Variants in RNF6 observed in about 807,000 individuals in gnomAD.
The protein encoded by RNF6 is E3 ubiquitin-protein ligase RNF6.
RNF6 carries 21 observed loss-of-function variants against 50.1 expected under a neutral mutation model. That is an observed-to-expected ratio of 0.42 (90% CI 0.30 to 0.60). The LOEUF (loss-of-function observed/expected upper bound fraction) is 0.60, where lower values mean the gene tolerates loss of function less well. Ranked by LOEUF, RNF6 falls within the 20% of genes least tolerant of loss-of-function variation. The pLI is 0.20. For synonymous variants in RNF6, 255 were observed against 291.8 expected (o/e 0.87, Z 1.29); for missense variants, 698 against 838.2 (o/e 0.83, Z 2.07).
At chr13:26,167,944 A>C (rs1177693734) in intron 5 of RNF6, among the ~76,000 whole-genome samples, 1 of 152,212 alleles carries the variant, frequency 6.6e-6, no homozygotes, top group Admixed American at 6.5e-5. Flanking sequence ...CTAACACAGG[A>C]ACAGATAATC....
chr13:26,204,857 G>A (rs1460184479), intron 5 of RNF6, among the ~76,000 whole-genome samples: 1 of 152,184 alleles, frequency 6.6e-6, no homozygotes, highest in Non-Finnish European at 1.5e-5. Context: ...TTGAAAATGA[G>A]AAATGCCTGA....
downstream of RNF6, among the ~76,000 whole-genome samples, chr13:26,208,430 T>A (rs975443653): frequency 3.3e-5 from 5 of 152,192 alleles, no homozygotes; most frequent in Admixed American, 6.5e-5. Context: ...CTGGAGGAAT[T>A]AAGTGTGTCT....
chr13:26,141,079 T>C (rs1429347347), intron 5 of RNF6, among the ~76,000 whole-genome samples: 1 of 152,198 alleles, frequency 6.6e-6, no homozygotes, highest in East Asian at 1.9e-4. Flanking sequence ...TTCAATGCTA[T>C]TTCTATCAAA....
At position 26,215,556 on chromosome 13, in the gene RNF6, G is replaced by T. The variant is rs1244112744; in HGVS notation, c.326C>A (p.Ser109Tyr). 3 of 1,608,408 alleles carry T rather than the reference G, an allele frequency of 1.9e-6. No individual in the cohort carries two copies. The highest frequency in any genetic ancestry group is 1.3e-5 in the African/African-American group (1 of 74,798). ...EVPRESSHEDSLLEWLNTFRR... is the reference protein window; with the variant it reads ...EVPRESSHEDYLLEWLNTFRR... ...AAAGGTGTTCAACCATTCTAGAAGA[G>T]AATCTTCATGTGAACTTTCTCTAGG... is the stretch of plus-strand genomic sequence containing the variant. The change falls in exon 5 of 5, where the codon TCT becomes TAT. Residue 109 changes from serine to tyrosine, a missense_variant. Coordinates refer to ENST00000381588, the MANE Select transcript of RNF6 (RefSeq NM_005977.4).
At chr13:26,199,098 T>C (rs1868793787) in intron 5 of RNF6, among the ~76,000 whole-genome samples, 1 of 151,824 alleles carries the variant, frequency 6.6e-6, no homozygotes, top group African/African-American at 2.4e-5. Flanking sequence ...ATCCCAATGT[T>C]CTTTTACATA....
intron 5 of RNF6, among the ~76,000 whole-genome samples, chr13:26,185,065 C>T (rs1245918998): frequency 6.6e-6 from 1 of 152,164 alleles, no homozygotes; most frequent in Non-Finnish European, 1.5e-5. Flanking sequence ...GGCACAAACA[C>T]GGTTCATTGC....
intron 5 of RNF6, among the ~76,000 whole-genome samples, chr13:26,148,189 T>C (rs892384694): frequency 1.3e-5 from 2 of 151,924 alleles, no homozygotes; most frequent in Non-Finnish European, 2.9e-5. Flanking sequence ...CCATCAGCTC[T>C]CCTGAGAACT....
chr13:26,159,251 T>C (rs1258370014), intron 5 of RNF6, among the ~76,000 whole-genome samples: 1 of 152,200 alleles, frequency 6.6e-6, no homozygotes, highest in African/African-American at 2.4e-5. Context: ...AAATATGTCA[T>C]AGAAGATCGA....
intron 5 of RNF6, among the ~76,000 whole-genome samples, chr13:26,149,581 C>G (rs1209077457): frequency 6.7e-6 from 1 of 150,130 alleles, no homozygotes; most frequent in Non-Finnish European, 1.5e-5. Flanking sequence ...GGTGAGACTC[C>G]GTCTAAAAAA....
intron 5 of RNF6, among the ~76,000 whole-genome samples, chr13:26,146,107 G>T (rs376048809): frequency 3.9e-5 from 6 of 152,292 alleles, no homozygotes; most frequent in Non-Finnish European, 5.9e-5. Flanking sequence ...CCCCAGGAAG[G>T]TCTCATTATT....
intron 5 of RNF6, among the ~76,000 whole-genome samples, chr13:26,160,602 A>G: frequency 7.1e-6 from 1 of 140,762 alleles, no homozygotes. Flanking sequence ...ACTATTTTGC[A>G]CATGCTGTGA....
intron 5 of RNF6, among the ~76,000 whole-genome samples, chr13:26,171,789 A>G (rs1247328062): frequency 6.6e-6 from 1 of 152,222 alleles, no homozygotes; most frequent in African/African-American, 2.4e-5. Context: ...AATAAGCCAG[A>G]CACAAAAGGT....
intron 5 of RNF6, among the ~76,000 whole-genome samples, chr13:26,188,622 G>GTTTTTTT (rs1566427058): frequency 1.3e-4 from 7 of 55,936 alleles, no homozygotes; most frequent in African/African-American, 5.3e-4. Flanking sequence ...AGTCAAAAGA[G>GTTTTTTT]CTTTTTTTTT....
At chr13:26,183,266 C>G (rs117802215) in intron 5 of RNF6, among the ~76,000 whole-genome samples, 1 of 152,102 alleles carries the variant, frequency 6.6e-6, no homozygotes, top group Non-Finnish European at 1.5e-5. Context: ...ACTTGACACA[C>G]GAGAACAGAT....
chr13:26,218,308 G>T (rs1340895723), intron 4 of RNF6, among the ~76,000 whole-genome samples: 2 of 152,178 alleles, frequency 1.3e-5, no homozygotes, highest in African/African-American at 4.8e-5. Flanking sequence ...GGCAATCTGT[G>T]TGTTTAAGAC....
Position 26,188,924 on chromosome 13 carries a change from G to A in RNF6, n.768+26550C>T, listed in dbSNP as rs141514160. On this transcript the variant is annotated intron_variant and non_coding_transcript_variant, in intron 5 of 5. Transcript: ENST00000468480. ...ATTACAAGCATGAGCCACTGCGCCC[G>A]GCTCAGAACAGATTTCTGAAGAGGT... 1.4e-3 allele frequency among the ~76,000 whole-genome samples: 217 copies of A among 152,002 alleles called. 2 individuals are homozygous for A. Among genetic ancestry groups the A allele is most frequent in the Non-Finnish European group, 2.2e-3 (149 of 67,990 alleles).
intron 5 of RNF6, among the ~76,000 whole-genome samples, chr13:26,174,584 A>G (rs944577595): frequency 6.6e-6 from 1 of 152,122 alleles, no homozygotes; most frequent in South Asian, 2.1e-4. Flanking sequence ...AATCACTTGA[A>G]TCCGGGAGGC....
rs1291057365 is a variant in RNF6 at position 26,219,760 on chromosome 13, ATGT to A, written c.-18-96_-18-94del. 8.6e-6 allele frequency: 10 copies of A among 1,157,886 alleles called. No individual in the cohort carries two copies. The African/African-American group carries it at 1.5e-4, about 18-fold the overall frequency. 71.7% of individuals were successfully genotyped at this position (1,157,886 alleles called of 1,614,324 possible). On this transcript the variant is annotated intron_variant, in intron 2 of 4. Transcript: ENST00000381588. Reference sequence around the variant, plus strand: ...ACTTGCAGTTTTTCTTAATTTTTAAATGTTGTCCCCTACCCAAATACTGTATTT... The same window carrying A: ...ACTTGCAGTTTTTCTTAATTTTTAAATGTCCCCTACCCAAATACTGTATTT...
intron 5 of RNF6, among the ~76,000 whole-genome samples, chr13:26,155,654 G>T (rs897652709): frequency 6.6e-6 from 1 of 152,222 alleles, no homozygotes; most frequent in Non-Finnish European, 1.5e-5. Context: ...CGGGCAATAG[G>T]TCTGAAGGGA....
Sources: allele counts gnomAD v4.1 joint callset (sites outside exome capture counted in the v4.1 genomes callset), GRCh38; gene constraint gnomAD v4.1.1; transcripts MANE v1.5; gene names NCBI Gene and HGNC (gene_info 2026-07-23, HGNC 2026-07-21).